The following CCDC69 variants were observed in gnomAD, a reference collection of about 807,000 sequenced individuals.
The protein encoded by CCDC69 is coiled-coil domain containing 69, also known as coiled-coil domain-containing protein 69.
A neutral mutation model predicts 40.3 loss-of-function variants in CCDC69; 38 were observed. The ratio of observed to expected loss-of-function variants is 0.94; its 90% CI spans 0.73 to 1.24. CCDC69 has a LOEUF of 1.24. Among genes scored for constraint, CCDC69 ranks in the 50% most tolerant of loss-of-function variants. CCDC69 has a pLI of 0.00. For synonymous variants in CCDC69, 141 were observed against 138.9 expected (o/e 1.02, Z -0.11); for missense variants, 389 against 357.9 (o/e 1.09, Z -0.70).
chr5:151,183,691 C>T, intron 8 of CCDC69, 77 bp from the exon 9 acceptor site: 1 of 1,377,628 alleles, frequency 7.3e-7, no homozygotes, highest in East Asian at 2.4e-5. Flanking sequence ...CCCAGGAAGC[C>T]TTCCTTAGAT....
chr5:151,195,316 C>T (rs543399674), intron 4 of CCDC69, among the ~76,000 whole-genome samples: 1 of 152,132 alleles, frequency 6.6e-6, no homozygotes, highest in African/African-American at 2.4e-5. Flanking sequence ...AGTTGTTTTC[C>T]CATAAAGTCT....
At chr5:151,218,888 T>C (rs906321766) in intron 1 of CCDC69, among the ~76,000 whole-genome samples, 2 of 152,182 alleles carry the variant, frequency 1.3e-5, no homozygotes, top group Non-Finnish European at 2.9e-5. Context: ...TAAAAACATG[T>C]ACATGTGCAG....
At chr5:151,191,487 A>G (rs188604144) in intron 4 of CCDC69, among the ~76,000 whole-genome samples, 13 of 152,318 alleles carry the variant, frequency 8.5e-5, no homozygotes, top group Middle Eastern at 3.4e-3. Context: ...AAACCTTAAC[A>G]AACTATAAAA....
intron 2 of CCDC69, 43 bp from the exon 3 acceptor site, chr5:151,201,731 A>G (rs1160919472): frequency 3.0e-6 from 4 of 1,317,858 alleles, no homozygotes; most frequent in Admixed American, 3.7e-5. Context: ...AAAAACTCAC[A>G]GAGTGGAAGT....
chr5:151,221,324 C>T (rs1179242271), intron 1 of CCDC69, among the ~76,000 whole-genome samples: 2 of 152,208 alleles, frequency 1.3e-5, no homozygotes, highest in Admixed American at 6.5e-5. Context: ...AAAGAACCCC[C>T]TCACGCTGTG....
At chr5:151,191,760 A>G (rs1020708139) in intron 4 of CCDC69, among the ~76,000 whole-genome samples, 1 of 152,180 alleles carries the variant, frequency 6.6e-6, no homozygotes, top group African/African-American at 2.4e-5. Flanking sequence ...AAAAGGAGAA[A>G]GGTCTCAAAT....
chr5:151,189,008 C>A (rs576595205), intron 4 of CCDC69, among the ~76,000 whole-genome samples: 1 of 152,320 alleles, frequency 6.6e-6, no homozygotes, highest in African/African-American at 2.4e-5. Flanking sequence ...GTCCAGGATA[C>A]AACCCCAAAT....
rs774546814 is a variant in CCDC69, at chr5:151,211,518, C to CTTTT, written c.49-6047_49-6044dup. 3.2e-3 allele frequency among the ~76,000 whole-genome samples: 347 copies of CTTTT among 108,726 alleles called. 3 individuals are homozygous for CTTTT. Among genetic ancestry groups the CTTTT allele is most frequent in the Non-Finnish European group, 4.5e-3 (250 of 55,400 alleles). 71.3% of individuals were successfully genotyped at this position (108,726 alleles called of 152,430 possible). ...TATGTGTGCTGGGAATTTGCATCTG[C>CTTTT]TTTTTTTTTTTTTTTTTTTTTTGAG... is the stretch of plus-strand genomic sequence containing the variant. On this transcript the variant is annotated intron_variant, in intron 1 of 8. Transcript: ENST00000355417.
intron 8 of CCDC69, 118 bp from the exon 9 acceptor site, chr5:151,183,732 G>A: frequency 6.8e-6 from 6 of 877,448 alleles, no homozygotes; most frequent in Non-Finnish European, 1.0e-5. Flanking sequence ...GGTCCCCACT[G>A]CCCTCCTTGT....
Position 151,183,594 on chromosome 5 carries a change from A to G in CCDC69, c.734T>C (p.Leu245Pro). 6.2e-7 allele frequency: 1 copy of G among 1,611,588 alleles called. No individual in the cohort carries two copies. The highest frequency in any genetic ancestry group is 8.5e-7 in the Non-Finnish European group (1 of 1,178,938). The change falls in exon 9 of 9, where the codon CTT becomes CCT. Residue 245 changes from leucine (L) to proline (P), a missense_variant. By Grantham distance (98) the Leu-to-Pro change is moderately conservative. Coordinates refer to ENST00000355417, the MANE Select transcript of CCDC69 (RefSeq NM_015621.3). The part of the protein sequence containing the change: ...VLSRQLSEDL[L>P]LTREALEKEV... ...CTTCTCCAGGGCCTCACGCGTGAGAAGCAGGTCTTCTGACAGCTGCCTGTG... is the reference window on the plus strand; with the variant it reads ...CTTCTCCAGGGCCTCACGCGTGAGAGGCAGGTCTTCTGACAGCTGCCTGTG...
At chr5:151,207,971 C>G (rs1229712522) in intron 1 of CCDC69, among the ~76,000 whole-genome samples, 1 of 152,148 alleles carries the variant, frequency 6.6e-6, no homozygotes, top group Non-Finnish European at 1.5e-5. Context: ...CAAGTCAGGC[C>G]TGGGCACAGT....
intron 1 of CCDC69, among the ~76,000 whole-genome samples, chr5:151,213,939 C>T (rs747070315): frequency 2.8e-4 from 42 of 152,176 alleles, no homozygotes; most frequent in Non-Finnish European, 4.9e-4. Flanking sequence ...GGAAGGCTTA[C>T]GGGAACCCAG....
At chr5:151,205,234 C>T (rs1342000302) in intron 2 of CCDC69, among the ~76,000 whole-genome samples, 166 bp downstream of exon 2, 1 of 152,154 alleles carries the variant, frequency 6.6e-6, no homozygotes, top group Non-Finnish European at 1.5e-5. Flanking sequence ...TAGGGAAGCA[C>T]AGGTCAGGAC....
At chr5:151,223,053 G>T (rs1753157450) in intron 1 of CCDC69, among the ~76,000 whole-genome samples, 1 of 152,194 alleles carries the variant, frequency 6.6e-6, no homozygotes, top group Non-Finnish European at 1.5e-5. Flanking sequence ...TAGGGGGCAG[G>T]TAGTGGTAAG....
At chr5:151,216,040 C>T (rs1305660110) in intron 1 of CCDC69, among the ~76,000 whole-genome samples, 9 of 152,236 alleles carry the variant, frequency 5.9e-5, no homozygotes, top group African/African-American at 1.7e-4. Flanking sequence ...CTCACTGCAA[C>T]GTCCACCTCC....
intron 4 of CCDC69, among the ~76,000 whole-genome samples, chr5:151,196,054 A>T (rs1752695417): frequency 6.6e-6 from 1 of 152,270 alleles, no homozygotes; most frequent in Non-Finnish European, 1.5e-5. Context: ...ACATTTTAGT[A>T]GCAGCATAAT....
chr5:151,194,735 A>T (rs1335762485), intron 4 of CCDC69, among the ~76,000 whole-genome samples: 3 of 152,082 alleles, frequency 2.0e-5, no homozygotes, highest in Non-Finnish European at 2.9e-5. Flanking sequence ...TCTACTAAAA[A>T]TACAAAAATT....
At chr5:151,193,446 G>T (rs248442) in intron 4 of CCDC69, among the ~76,000 whole-genome samples, 94,973 of 151,460 alleles carry the variant, frequency 0.63, 30,356 homozygotes, top group Admixed American at 0.75. Context: ...AGCCCCAGAG[G>T]TGGAGGCTGC....
At chr5:151,202,645 G>A (rs910043081) in intron 2 of CCDC69, among the ~76,000 whole-genome samples, 7 of 152,196 alleles carry the variant, frequency 4.6e-5, no homozygotes, top group Non-Finnish European at 7.3e-5. Context: ...ATGAGCATCT[G>A]AGTTTGTGGC....
Sources: allele counts gnomAD v4.1 joint callset (sites outside exome capture counted in the v4.1 genomes callset), GRCh38; gene constraint gnomAD v4.1.1; transcripts MANE v1.5; gene names NCBI Gene and HGNC (gene_info 2026-07-23, HGNC 2026-07-21).